PES1: variants seen among roughly 807,000 people sequenced by gnomAD.
The protein encoded by PES1 is pescadillo homolog.
PES1 carries 31 observed loss-of-function variants against 77.1 expected under a neutral mutation model. The observed-to-expected ratio is 0.40, with a 90% CI of 0.30 to 0.54. The LOEUF is 0.54. Among genes scored for constraint, PES1 ranks in the 20% least tolerant of loss-of-function variants. PES1 has a pLI of 0.45. For missense variants in PES1, 658 were observed against 771.7 expected (o/e 0.85, Z 1.75); for synonymous variants, 282 against 303.0 (o/e 0.93, Z 0.72).
chr22:30,577,183 G>C, intron 14 of PES1, 54 bp from the exon 15 acceptor site: 2 of 1,437,506 alleles, frequency 1.4e-6, no homozygotes, highest in African/African-American at 2.8e-5. Context: ...GGGAGGGTGG[G>C]GGGCACAGAA....
chr22:30,581,034 A>G lies in PES1; in HGVS notation c.890T>C (p.Val297Ala). 1 of 1,612,504 alleles carries G rather than the reference A, an allele frequency of 6.2e-7. No individual in the cohort carries two copies. The highest frequency in any genetic ancestry group is 8.5e-7 in the Non-Finnish European group (1 of 1,179,672). ...VVPATEEEAE[V>A]DEFPTDGEMS... ...CACCCCATCGGTGGGAAACTCATCC[A>G]CCTCGGCCTCCTCCTCTGTGGCAGG... Residue 297 changes from valine to alanine, a missense_variant, in exon 9 of 15, where the codon GTG (valine) becomes GCG (alanine). Physicochemically the swap from Val to Ala is moderately conservative, Grantham distance 64. Transcript: ENST00000354694.
chr22:30,579,287 T>C lies in PES1; in HGVS notation c.1371A>G (p.Ser457=). ...RGEDPGNLNE[S]EEEEEEDDNN... ...TGTCGTCCTCTTCCTCCTCCTCTTC[T>C]GACTCATTCAGGTTTCCTAGAGAAA... is the stretch of plus-strand genomic sequence containing the variant. Residue 457 remains serine (S), a synonymous_variant, in exon 13 of 15, where the codon TCA becomes TCG. Transcript: ENST00000354694. 6.2e-7 allele frequency: 1 copy of C among 1,600,760 alleles called. No individual in the cohort carries two copies. Among genetic ancestry groups the C allele is most frequent in the East Asian group, 2.2e-5 (1 of 44,880 alleles).
chr22:30,599,009 T>C (rs916539569), intron 2 of PES1, among the ~76,000 whole-genome samples: 6 of 147,940 alleles, frequency 4.1e-5, no homozygotes, highest in African/African-American at 1.5e-4. Context: ...GCGATTCTCC[T>C]ATCTCAGCCT....
At chr22:30,599,251 A>T (rs766664914) in intron 2 of PES1, among the ~76,000 whole-genome samples, 2 of 152,050 alleles carry the variant, frequency 1.3e-5, no homozygotes, top group Non-Finnish European at 2.9e-5. Context: ...TTGGTAAAAT[A>T]AAAATGTCTT....
chr22:30,576,896 G>A lies in PES1; in HGVS notation c.*150C>T. ...CCAAGGGAAGCGAGGGCTGCCCACT[G>A]GCCCAGCCAGAGAGCATGAGGGGTC... On this transcript the variant is annotated 3_prime_UTR_variant, in exon 15 of 15. Transcript: ENST00000354694. 3 of 689,914 alleles carry A rather than the reference G, an allele frequency of 4.3e-6. No individual in the cohort carries two copies. The highest frequency in any genetic ancestry group is 7.7e-6 in the Non-Finnish European group (3 of 391,404). The allele number at this position is 689,914 out of a possible 1,614,324, so 42.7% of individuals were successfully genotyped here.
At chr22:30,577,242 T>C in intron 14 of PES1, 113 bp from the exon 15 acceptor site, 1 of 885,768 alleles carries the variant, frequency 1.1e-6, no homozygotes, top group South Asian at 1.5e-5. Context: ...AGGTCACAAA[T>C]TCTCACAGGA....
At chr22:30,577,653 G>C (rs1281849326) in intron 14 of PES1, among the ~76,000 whole-genome samples, 2 of 151,902 alleles carry the variant, frequency 1.3e-5, no homozygotes, top group Non-Finnish European at 2.9e-5. Context: ...ACCATGCGTA[G>C]CCCTTTCTTT....
Position 30,579,290 on chromosome 22 carries a change from C to A in PES1, c.1368G>T (p.Glu456Asp). ...QRGEDPGNLNESEEEEEEDDN... is the reference protein window; with the variant it reads ...QRGEDPGNLNDSEEEEEEDDN... Reference sequence around the variant, plus strand: ...CGTCCTCTTCCTCCTCCTCTTCTGACTCATTCAGGTTTCCTAGAGAAAGCC... The same window carrying A: ...CGTCCTCTTCCTCCTCCTCTTCTGAATCATTCAGGTTTCCTAGAGAAAGCC... The change falls in exon 13 of 15, where the codon GAG becomes GAT. Residue 456 changes from glutamate (E) to aspartate (D), a missense_variant. Glu to Asp is a conservative substitution (Grantham distance 45). Transcript: ENST00000354694. The A allele has an allele frequency of 6.2e-7, 1 of 1,600,672 alleles. No individual in the cohort carries two copies. The highest frequency in any genetic ancestry group is 8.5e-7 in the Non-Finnish European group (1 of 1,179,910).
intron 2 of PES1, among the ~76,000 whole-genome samples, chr22:30,600,753 T>C (rs2087341988): frequency 6.6e-6 from 1 of 152,098 alleles, no homozygotes; most frequent in Non-Finnish European, 1.5e-5. Flanking sequence ...AGGCAGAGCT[T>C]GCAGTGAGCC....
At position 30,576,705 on chromosome 22, in the gene PES1, G is replaced by A. The variant is rs138939714; in HGVS notation, c.*341C>T. ...CCCATCACAGCACCCTGAGAATCACGGGTCCAACTGTGTGGGAGGGGGCTG... is the reference window on the plus strand; with the variant it reads ...CCCATCACAGCACCCTGAGAATCACAGGTCCAACTGTGTGGGAGGGGGCTG... On this transcript the variant is annotated 3_prime_UTR_variant, in exon 15 of 15. Coordinates refer to ENST00000354694, the MANE Select transcript of PES1 (RefSeq NM_014303.4). 448 of 343,528 alleles carry A rather than the reference G, an allele frequency of 1.3e-3. 3 individuals carry two copies. Among genetic ancestry groups the A allele is most frequent in the African/African-American group, 8.6e-3 (410 of 47,590 alleles). 21.3% of individuals were successfully genotyped at this position (343,528 alleles called of 1,614,324 possible).
At chr22:30,597,791 T>C (rs917358835) in intron 2 of PES1, among the ~76,000 whole-genome samples, 1 of 151,892 alleles carries the variant, frequency 6.6e-6, no homozygotes, top group Non-Finnish European at 1.5e-5. Flanking sequence ...ATCAGCAGTA[T>C]GTGGGTGGGG....
chr22:30,587,277 C>G lies in PES1; in HGVS notation c.368+9G>C, dbSNP rs1226017934. 5 of 1,588,356 alleles carry G rather than the reference C, an allele frequency of 3.1e-6. No homozygotes were observed. Among genetic ancestry groups the G allele is most frequent in the Non-Finnish European group, 4.3e-6 (5 of 1,157,540 alleles). On this transcript the variant is annotated intron_variant, in intron 4 of 14. Transcript: ENST00000354694. ...GAAACAGCAGTGTCCTGAGGAAAGC[C>G]CGGCTCACCGTTCCTTGATGATGTG...
Position 30,598,912 on chromosome 22 carries a change from T to TA in PES1, c.-660-6515_-660-6514insT, listed in dbSNP as rs1555893002. 7.7e-3 allele frequency among the ~76,000 whole-genome samples: 894 copies of TA among 116,396 alleles called. 19 individuals carry two copies. Among genetic ancestry groups the TA allele is most frequent in the African/African-American group, 0.027 (797 of 29,360 alleles). The allele number at this position is 116,396 out of a possible 152,430, so 76.4% of individuals were successfully genotyped here. ...TTTTTTTTTTTTTTTTTTTTTTTTTTTTGAGATGGAGTCCTGCTCTGTCAT... is the reference window on the plus strand; with the variant it reads ...TTTTTTTTTTTTTTTTTTTTTTTTTTATTGAGATGGAGTCCTGCTCTGTCAT... On this transcript the variant is annotated intron_variant, in intron 2 of 16. Coordinates refer to the PES1 transcript ENST00000402281.
In PES1 at chr22:30,579,874, C is replaced by T. The variant is rs34123894; in HGVS notation, c.1231G>A (p.Ala411Thr). The change falls in exon 12 of 15, where the codon GCA becomes ACA. Residue 411 changes from alanine to threonine, a missense_variant. Transcript: ENST00000354694. ...SVNARLLLPV[A>T]EYFSGVQLPP... ...AGCTGCACCCCAGAGAAGTACTCTG[C>T]CACGGGGAGAAGGAGCCTGGCGTTC... The T allele has an allele frequency of 0.029, 46,196 of 1,614,046 alleles. 2,558 individuals are homozygous for T. The highest frequency in any genetic ancestry group is 0.22 in the East Asian group (9,930 of 44,858).
upstream of PES1, chr22:30,592,178 G>C (rs1301778840): frequency 5.5e-6 from 6 of 1,095,978 alleles, no homozygotes; most frequent in Non-Finnish European, 6.7e-6. Flanking sequence ...TGTTGGGACG[G>C]AGAGGGGCGG....
At chr22:30,604,452 G>C (rs1398113448) in intron 2 of PES1, among the ~76,000 whole-genome samples, 1 of 152,022 alleles carries the variant, frequency 6.6e-6, no homozygotes, top group Non-Finnish European at 1.5e-5. Context: ...GGCCAACAGG[G>C]TGAAACCCTG....
At chr22:30,598,845 A>G (rs2087306904) in intron 2 of PES1, among the ~76,000 whole-genome samples, 2 of 147,100 alleles carry the variant, frequency 1.4e-5, no homozygotes, top group African/African-American at 5.0e-5. Flanking sequence ...AAATTAAGAA[A>G]GCCCAAATAT....
Position 30,591,874 on chromosome 22 carries a change from G to T in PES1, c.-41C>A, listed in dbSNP as rs737953. The stretch of plus-strand genomic sequence containing the variant: ...AGCCGACTAGGGCCGCGCGTACAGG[G>T]AGCTCCACTTCCTCCCGCACGTGCC... On this transcript the variant is annotated 5_prime_UTR_variant, in exon 1 of 15. Coordinates refer to ENST00000354694, the MANE Select transcript of PES1 (RefSeq NM_014303.4). The T allele has an allele frequency of 5.2e-6, 8 of 1,542,216 alleles. No individual in the cohort carries two copies. The highest frequency in any genetic ancestry group is 1.4e-5 in the African/African-American group (1 of 72,664).
At chr22:30,592,109 T>G (rs930237719), upstream of PES1, 7 of 1,274,692 alleles carry the variant, frequency 5.5e-6, no homozygotes, top group Non-Finnish European at 6.9e-6. Context: ...CAAACGTGGA[T>G]ATACAGGCTT....
Sources: gnomAD v4.1 joint callset for allele counts (sites outside exome capture counted in the v4.1 genomes callset) on GRCh38, gnomAD v4.1.1 for gene constraint, MANE v1.5 for transcripts, NCBI Gene and HGNC (gene_info 2026-07-23, HGNC 2026-07-21) for gene names.